FYB1: variants seen among roughly 807,000 people sequenced by gnomAD.
The protein encoded by FYB1 is FYN-binding protein 1.
In FYB1, 41 loss-of-function variants were observed where a neutral mutation model predicts 94.1. The ratio of observed to expected loss-of-function variants is 0.44; its 90% CI spans 0.34 to 0.57. The LOEUF (loss-of-function observed/expected upper bound fraction) is 0.57. FYB1 is among the 20% of genes least tolerant of loss of function. The pLI is 0.02. For synonymous variants in FYB1, 367 were observed against 353.2 expected, an observed-to-expected ratio of 1.04 and a Z score of -0.44; for missense variants, 1,050 against 976.8, an observed-to-expected ratio of 1.07 and a Z score of -1.00.
chr5:39,110,886 G>A (rs1235191816), intron 16 of FYB1: 1 of 267,320 alleles, frequency 3.7e-6, no homozygotes, highest in African/African-American at 2.3e-5. Flanking sequence ...GACTACTAGG[G>A]GGACTATGCA....
chr5:39,126,175 G>C (rs776079266), intron 11 of FYB1, 40 bp from the exon 12 acceptor site: 1 of 1,599,452 alleles, frequency 6.3e-7, no homozygotes, highest in Non-Finnish European at 8.5e-7. Flanking sequence ...GTAATAATCA[G>C]CGGCAAGTGA....
chr5:39,187,129 T>C (rs539034466), intron 2 of FYB1, among the ~76,000 whole-genome samples: 2 of 152,364 alleles, frequency 1.3e-5, no homozygotes, highest in Non-Finnish European at 2.9e-5. Flanking sequence ...TTGCGCTTTT[T>C]GCAGGTTCTC....
intron 16 of FYB1, among the ~76,000 whole-genome samples, chr5:39,116,357 A>G (rs1663037944): frequency 1.3e-5 from 2 of 152,236 alleles, no homozygotes; most frequent in Non-Finnish European, 2.9e-5. Flanking sequence ...TTAGGTAGTT[A>G]ACGATGAACT....
chr5:39,196,075 C>T (rs962456512), intron 2 of FYB1, among the ~76,000 whole-genome samples: 2 of 152,056 alleles, frequency 1.3e-5, no homozygotes, highest in Non-Finnish European at 2.9e-5. Context: ...TGTCCAAGCT[C>T]CATTCAGTTG....
At chr5:39,170,297 C>T in intron 2 of FYB1, 1 of 1,393,298 alleles carries the variant, frequency 7.2e-7, no homozygotes, top group South Asian at 1.4e-5. Context: ...TTTAAAAGAT[C>T]TTCTGTCTTT....
intron 11 of FYB1, 139 bp downstream of exon 11, chr5:39,127,601 CT>C (rs1473123028): frequency 4.5e-6 from 4 of 884,962 alleles, no homozygotes; most frequent in Non-Finnish European, 6.3e-6. Context: ...TTTACAATTG[CT>C]GTTAATTAAA....
At chr5:39,258,007 G>T (rs754699890) in intron 1 of FYB1, among the ~76,000 whole-genome samples, 2 of 152,168 alleles carry the variant, frequency 1.3e-5, no homozygotes, top group Non-Finnish European at 2.9e-5. Context: ...TCACTGGGAA[G>T]GCTTTGTTAA....
At position 39,202,190 on chromosome 5, in the gene FYB1, C is replaced by A. The variant is rs1217915480; in HGVS notation, c.771G>T (p.Leu257Phe). The A allele has an allele frequency of 3.7e-6, 6 of 1,613,908 alleles. No individual in the cohort carries two copies. The highest frequency in any genetic ancestry group is 2.2e-5 in the East Asian group (1 of 44,886). ...GTTTCAAAACCACTCCAGGAAAGGG[C>A]AAACTTGAAATCTCCCCTGCATGGT... ...NKDHAGEISS[L>F]PFPGVVLKPA... The change falls in exon 2 of 19, where the codon TTG becomes TTT. Residue 257 changes from leucine to phenylalanine, a missense_variant. Coordinates refer to ENST00000512982, the MANE Select transcript of FYB1 (RefSeq NM_001465.6).
chr5:39,109,682 C>T (rs575804617), intron 17 of FYB1, among the ~76,000 whole-genome samples: 43 of 152,248 alleles, frequency 2.8e-4, no homozygotes, highest in African/African-American at 1.0e-3. Context: ...TTCTGTAAAT[C>T]TTTGCATTGG....
Position 39,206,459 on chromosome 5 carries a change from T to C in FYB1, c.-27-3472A>G, listed in dbSNP as rs188187471. On this transcript the variant is annotated intron_variant, in intron 1 of 18. Coordinates refer to ENST00000512982, the MANE Select transcript of FYB1 (RefSeq NM_001465.6). Reference sequence around the variant, plus strand: ...TTTTAAAATGGACATTCTCTCATTCTGATTTCATTGTAGATTGAATATCTA... The same window carrying C: ...TTTTAAAATGGACATTCTCTCATTCCGATTTCATTGTAGATTGAATATCTA... Among the ~76,000 whole-genome samples the C allele has an allele frequency of 2.0e-5, 3 of 152,364 alleles. No homozygotes were observed. The East Asian group carries it at 5.8e-4, about 29-fold the overall frequency.
intron 1 of FYB1, among the ~76,000 whole-genome samples, chr5:39,268,264 G>T (rs1203955290): frequency 6.7e-6 from 1 of 149,452 alleles, no homozygotes; most frequent in Non-Finnish European, 1.5e-5. Context: ...TGAATACAGG[G>T]TTGCCTGGGT....
chr5:39,135,112 G>T, intron 7 of FYB1, 98 bp from the exon 8 acceptor site: 1 of 1,320,268 alleles, frequency 7.6e-7, no homozygotes, highest in South Asian at 1.4e-5. Context: ...AACTTGCTAA[G>T]CTACCTATAA....
intron 2 of FYB1, among the ~76,000 whole-genome samples, chr5:39,157,939 A>G (rs532391374): frequency 1.5e-4 from 23 of 152,324 alleles, no homozygotes; most frequent in African/African-American, 5.5e-4. Context: ...AGACTGAGGA[A>G]CTGTGCTCTG....
chr5:39,153,181 A>C (rs1743405826), intron 3 of FYB1, among the ~76,000 whole-genome samples: 1 of 150,528 alleles, frequency 6.6e-6, no homozygotes, highest in African/African-American at 2.4e-5. Context: ...TTTTTAAAAA[A>C]CAGTGGAAAT....
At chr5:39,108,676 G>T (rs1186753018) in intron 17 of FYB1, among the ~76,000 whole-genome samples, 1 of 151,894 alleles carries the variant, frequency 6.6e-6, no homozygotes, top group Non-Finnish European at 1.5e-5. Context: ...ATAATAATTG[G>T]CATAGGAAAT....
At chr5:39,156,946 A>G (rs974273663) in intron 2 of FYB1, among the ~76,000 whole-genome samples, 1 of 152,210 alleles carries the variant, frequency 6.6e-6, no homozygotes, top group African/African-American at 2.4e-5. Flanking sequence ...CAATAAAGAT[A>G]AAAATATCTG....
At chr5:39,243,611 C>A (rs558596260) in intron 1 of FYB1, among the ~76,000 whole-genome samples, 1 of 152,104 alleles carries the variant, frequency 6.6e-6, no homozygotes, top group East Asian at 1.9e-4. Flanking sequence ...TTAGGATTGT[C>A]TTGGCAATGC....
intron 3 of FYB1, among the ~76,000 whole-genome samples, chr5:39,146,499 T>C (rs1742670614): frequency 6.6e-6 from 1 of 152,238 alleles, no homozygotes; most frequent in African/African-American, 2.4e-5. Flanking sequence ...GATAGGCTTT[T>C]GATTTTTTTG....
chr5:39,136,721 T>C (rs1741707254), intron 7 of FYB1, among the ~76,000 whole-genome samples: 1 of 152,178 alleles, frequency 6.6e-6, no homozygotes, highest in South Asian at 2.1e-4. Context: ...GCTATACATT[T>C]TCCTTGCACC....
Sources: allele counts gnomAD v4.1 joint callset (sites outside exome capture counted in the v4.1 genomes callset), GRCh38; gene constraint gnomAD v4.1.1; transcripts MANE v1.5; gene names NCBI Gene and HGNC (gene_info 2026-07-23, HGNC 2026-07-21).